The following IGSF3 variants were observed in gnomAD, a reference collection of about 807,000 sequenced individuals.
IGSF3 encodes the protein glu-Trp-Ile EWI motif-containing protein 3.
Under a neutral mutation model 114.4 loss-of-function variants are expected in IGSF3, and 23 were observed. The observed-to-expected ratio is 0.20, with a 90% confidence interval of 0.14 to 0.28. The LOEUF is 0.28. Among genes scored for constraint, IGSF3 ranks in the 10% least tolerant of loss-of-function variants. The pLI is 1.00. For synonymous variants in IGSF3, 571 were observed against 645.2 expected (o/e 0.88, Z 1.74); for missense variants, 1,172 against 1,591.5 (o/e 0.74, Z 4.48).
At position 116,595,073 on chromosome 1, in the gene IGSF3, G is replaced by T. The variant is rs147509970; in HGVS notation, c.2029+4868C>A. ...AGCATGGCAACCTGGCACTTAGTAG[G>T]TGCTCAATGCATGCAGAGAGACAGG... On this transcript the variant is annotated intron_variant, in intron 7 of 10. Transcript: ENST00000369486. This position sits in a 1 kb window ranked among gnomAD's most constrained non-coding sequence, Gnocchi z 4.2. Among the ~76,000 whole-genome samples the T allele has an allele frequency of 3.9e-3, 592 of 152,252 alleles. 5 individuals carry two copies. The highest frequency in any genetic ancestry group is 0.013 in the African/African-American group (548 of 41,544).
In IGSF3 at chr1:116,614,822, T is replaced by G. The variant is rs1174764580; in HGVS notation, c.422-647A>C. On this transcript the variant is annotated intron_variant, in intron 3 of 10. Transcript: ENST00000369486. The surrounding 1 kb of genome is among the most constrained non-coding windows in gnomAD (Gnocchi z 4.5). Reference sequence around the variant, plus strand: ...GGAGAGATTCAGGCAAGAGAAGAGATTTTCTCCGTGATCCCTTGGTCAGAA... The same window carrying G: ...GGAGAGATTCAGGCAAGAGAAGAGAGTTTCTCCGTGATCCCTTGGTCAGAA... 2.0e-5 allele frequency among the ~76,000 whole-genome samples: 3 copies of G among 152,022 alleles called. No homozygotes were observed. Among genetic ancestry groups the G allele is most frequent in the Non-Finnish European group, 4.4e-5 (3 of 67,986 alleles).
rs1660422104 is a variant in IGSF3, at chr1:116,598,268, A to G, written c.2029+1673T>C. On this transcript the variant is annotated intron_variant, in intron 7 of 10. Coordinates refer to ENST00000369486, the MANE Select transcript of IGSF3 (RefSeq NM_001007237.3). The surrounding 1 kb of genome is among the most constrained non-coding windows in gnomAD (Gnocchi z 4.3). ...TTGAGAGCCAGAGGGGACAAAAAAAAAAGGTGCAATTACAATCCTAATGTC... is the reference window on the plus strand; with the variant it reads ...TTGAGAGCCAGAGGGGACAAAAAAAGAAGGTGCAATTACAATCCTAATGTC... Among the ~76,000 whole-genome samples, 1 of 152,214 alleles carries G rather than the reference A, an allele frequency of 6.6e-6. No homozygotes were observed. The highest frequency in any genetic ancestry group is 1.5e-5 in the Non-Finnish European group (1 of 68,036).
At chr1:116,626,843 A>T (rs1382960127) in intron 2 of IGSF3, among the ~76,000 whole-genome samples, 5 of 152,218 alleles carry the variant, frequency 3.3e-5, no homozygotes, top group African/African-American at 1.2e-4. Flanking sequence ...GCACAGAAGC[A>T]GCATCCAAAA....
intron 7 of IGSF3, among the ~76,000 whole-genome samples, chr1:116,597,548 T>C (rs566426294): frequency 6.6e-6 from 1 of 152,362 alleles, no homozygotes; most frequent in Non-Finnish European, 1.5e-5. Flanking sequence ...AGTATATTAC[T>C]GTGCACCTTT....
At position 116,598,856 on chromosome 1, in the gene IGSF3, A is replaced by G. The variant is rs1660450913; in HGVS notation, c.2029+1085T>C. Among the ~76,000 whole-genome samples the G allele has an allele frequency of 2.0e-5, 3 of 152,238 alleles. No individual in the cohort carries two copies. Among genetic ancestry groups the G allele is most frequent in the Admixed American group, 1.3e-4 (2 of 15,294 alleles). On this transcript the variant is annotated intron_variant, in intron 7 of 10. Transcript: ENST00000369486. The surrounding 1 kb of genome is among the most constrained non-coding windows in gnomAD (Gnocchi z 4.3). ...GATGCAGGAAAACCATAAGAGCTGC[A>G]TGTACTTAACTCCTCCCACGTGTCA...
At chr1:116,639,460 G>A (rs1440447321) in intron 2 of IGSF3, among the ~76,000 whole-genome samples, 1 of 152,176 alleles carries the variant, frequency 6.6e-6, no homozygotes, top group Non-Finnish European at 1.5e-5. Flanking sequence ...AACCACAGGT[G>A]TGGAGACAGG....
rs570440 is a variant in IGSF3 at position 116,585,550 on chromosome 1, C to A, written c.2441-498G>T. The stretch of plus-strand genomic sequence containing the variant: ...TTAATCTGTTCATGTGTTAGCCCTA[C>A]GAATTGTAGTCCAACATCCTTACAA... On this transcript the variant is annotated intron_variant, in intron 8 of 10. Transcript: ENST00000369486. This position sits in a 1 kb window ranked among gnomAD's most constrained non-coding sequence, Gnocchi z 4.9. Among the ~76,000 whole-genome samples the A allele has an allele frequency of 0.52, 78,753 of 152,088 alleles. 23,805 individuals are homozygous for A. The highest frequency in any genetic ancestry group is 0.84 in the African/African-American group (35,080 of 41,522).
chr1:116,605,939 G>A lies in IGSF3; in HGVS notation c.1223-1914C>T, dbSNP rs907711412. Among the ~76,000 whole-genome samples the A allele has an allele frequency of 6.6e-5, 10 of 152,142 alleles. No homozygotes were observed. The highest frequency in any genetic ancestry group is 2.4e-4 in the African/African-American group (10 of 41,434). ...TACTGTTTGGTGGTGTCTGTTGCTT[G>A]AGCAAGCCTGGAAACCCACATAGTT... On this transcript the variant is annotated intron_variant, in intron 5 of 10. Transcript: ENST00000369486. This position sits in a 1 kb window ranked among gnomAD's most constrained non-coding sequence, Gnocchi z 5.1.
intron 7 of IGSF3, among the ~76,000 whole-genome samples, chr1:116,599,734 T>C (rs1412874376): frequency 5.3e-5 from 8 of 152,074 alleles, no homozygotes; most frequent in Non-Finnish European, 1.0e-4. Context: ...AGAAAACAAA[T>C]GCCGTCAGAC....
intron 2 of IGSF3, among the ~76,000 whole-genome samples, chr1:116,622,258 A>G (rs1661447076): frequency 6.6e-6 from 1 of 152,228 alleles, no homozygotes; most frequent in African/African-American, 2.4e-5. Context: ...AAGTAATACA[A>G]CATACCATGT....
In IGSF3 at chr1:116,593,338, C is replaced by T. The variant is rs1483794326; in HGVS notation, c.2030-4234G>A. 2.0e-5 allele frequency among the ~76,000 whole-genome samples: 3 copies of T among 152,210 alleles called. No homozygotes were observed. Among genetic ancestry groups the T allele is most frequent in the Non-Finnish European group, 2.9e-5 (2 of 68,050 alleles). ...AAGTCTGGAGAAGGTGGTTTCTGTGCAGTGCTGTGAGCAGCAGCCAGAGTG... is the reference window on the plus strand; with the variant it reads ...AAGTCTGGAGAAGGTGGTTTCTGTGTAGTGCTGTGAGCAGCAGCCAGAGTG... On this transcript the variant is annotated intron_variant, in intron 7 of 10. Coordinates refer to ENST00000369486, the MANE Select transcript of IGSF3 (RefSeq NM_001007237.3). This position sits in a 1 kb window ranked among gnomAD's most constrained non-coding sequence, Gnocchi z 4.5.
intron 1 of IGSF3, 65 bp from the exon 2 acceptor site, chr1:116,667,021 C>A: frequency 2.5e-6 from 1 of 396,572 alleles, no homozygotes; most frequent in Non-Finnish European, 4.4e-6. Flanking sequence ...GGGCTGAGCG[C>A]TGAGCTGGTC....
intron 2 of IGSF3, among the ~76,000 whole-genome samples, chr1:116,641,495 C>CAAAAAAAA (rs57930787): frequency 3.4e-4 from 14 of 40,674 alleles, no homozygotes; most frequent in Middle Eastern, 0.016. Flanking sequence ...GACTCTGTCT[C>CAAAAAAAA]AAAAAAAAAA....
intron 2 of IGSF3, among the ~76,000 whole-genome samples, chr1:116,652,854 G>A (rs1020700324): frequency 2.6e-5 from 4 of 152,156 alleles, no homozygotes; most frequent in African/African-American, 9.7e-5. Flanking sequence ...AAACATCAAT[G>A]AGCCTAGACA....
chr1:116,639,583 T>A (rs1435613372), intron 2 of IGSF3, among the ~76,000 whole-genome samples: 1 of 152,198 alleles, frequency 6.6e-6, no homozygotes, highest in Non-Finnish European at 1.5e-5. Flanking sequence ...TTACCTTCTC[T>A]CAAAAAGAAA....
At chr1:116,659,173 A>T (rs1425707043) in intron 2 of IGSF3, among the ~76,000 whole-genome samples, 1 of 152,134 alleles carries the variant, frequency 6.6e-6, no homozygotes, top group Non-Finnish European at 1.5e-5. Context: ...ATAGATGCGG[A>T]AGACATACAG....
chr1:116,597,503 AC>A (rs1660390571), intron 7 of IGSF3, among the ~76,000 whole-genome samples: 3 of 152,140 alleles, frequency 2.0e-5, no homozygotes, highest in Non-Finnish European at 2.9e-5. Flanking sequence ...TCAAGCACCC[AC>A]CTTTGCTCTT....
intron 8 of IGSF3, among the ~76,000 whole-genome samples, chr1:116,586,309 A>G (rs537212799): frequency 6.6e-6 from 1 of 152,364 alleles, no homozygotes; most frequent in East Asian, 1.9e-4. Context: ...ATACATATGT[A>G]AAAGAAGATA....
intron 6 of IGSF3, among the ~76,000 whole-genome samples, chr1:116,602,455 A>C (rs1300439685): frequency 3.3e-5 from 5 of 152,220 alleles, no homozygotes; most frequent in African/African-American, 1.2e-4. Flanking sequence ...GTATGGATAC[A>C]GGAACTGAGC....
Sources: allele counts gnomAD v4.1 joint callset (sites outside exome capture counted in the v4.1 genomes callset), GRCh38; gene constraint gnomAD v4.1.1; non-coding constraint Gnocchi (gnomAD v3.1); transcripts MANE v1.5; gene names NCBI Gene and HGNC (gene_info 2026-07-23, HGNC 2026-07-21).